Variants in PSPC1 observed in about 807,000 individuals in gnomAD.
PSPC1 encodes the protein paraspeckle component 1.
Under a neutral mutation model 51.6 loss-of-function variants are expected in PSPC1, and 14 were observed. That is an observed-to-expected ratio of 0.27 (90% CI 0.18 to 0.42). The LOEUF is 0.42. Ranked by LOEUF, PSPC1 falls within the 10% of genes least tolerant of loss-of-function variation. The pLI, the probability that PSPC1 is intolerant of heterozygous loss-of-function variation, is 1.00. For synonymous variants in PSPC1, 193 were observed against 231.9 expected (o/e 0.83, Z 1.53); for missense variants, 406 against 701.1 (o/e 0.58, Z 4.75).
rs141425633 is a variant in PSPC1 at position 19,716,949 on chromosome 13, G to C, written c.1159-7350C>G. On this transcript the variant is annotated intron_variant, in intron 6 of 8. Coordinates refer to ENST00000338910, the MANE Select transcript of PSPC1 (RefSeq NM_001354909.2). ...TCACTCCTGTAACCTCAGCACTTTGGGGGGCTGAGGCAGGCAGATCACCTG... is the reference window on the plus strand; with the variant it reads ...TCACTCCTGTAACCTCAGCACTTTGCGGGGCTGAGGCAGGCAGATCACCTG... Among the ~76,000 whole-genome samples the C allele has an allele frequency of 1.1e-3, 162 of 152,176 alleles. 1 individual carries two copies. In the East Asian group the frequency reaches 0.015, roughly 14 times the overall value.
At position 19,772,282 on chromosome 13, in the gene PSPC1, C is replaced by T; in HGVS notation, c.634G>A (p.Ala212Thr). Reference sequence around the variant, plus strand: ...GCCCCATCACCACATCTTTCCAGAGCCTTTCGTGCAGGAGGTTTTGCTGCA... The same window carrying T: ...GCCCCATCACCACATCTTTCCAGAGTCTTTCGTGCAGGAGGTTTTGCTGCA... ...EFAAKPPARK[A>T]LERCGDGAFL... The change falls in exon 2 of 9, where the codon GCT (alanine) becomes ACT (threonine). Residue 212 changes from alanine (A) to threonine (T), a missense_variant. By Grantham distance (58) the Ala-to-Thr change is moderately conservative. Transcript: ENST00000338910. 6.2e-7 allele frequency: 1 copy of T among 1,614,164 alleles called. No homozygotes were observed. Among genetic ancestry groups the T allele is most frequent in the Non-Finnish European group, 8.5e-7 (1 of 1,180,038 alleles).
chr13:19,767,909 G>C (rs765836077), intron 2 of PSPC1, among the ~76,000 whole-genome samples: 3 of 152,258 alleles, frequency 2.0e-5, no homozygotes, highest in Middle Eastern at 3.4e-3. Context: ...TCTGCTCTTT[G>C]AGGGTCACTG....
chr13:19,718,165 G>T lies in PSPC1; in HGVS notation c.1159-8566C>A, dbSNP rs181717449. ...TGAATGCTTGGAAAACTTAACATTTGAAATTCAGGCAATTAAAAACAACAA... is the reference window on the plus strand; with the variant it reads ...TGAATGCTTGGAAAACTTAACATTTTAAATTCAGGCAATTAAAAACAACAA... On this transcript the variant is annotated intron_variant, in intron 6 of 8. Transcript: ENST00000338910. 1.9e-3 allele frequency among the ~76,000 whole-genome samples: 295 copies of T among 152,250 alleles called. 1 individual carries two copies. Among genetic ancestry groups the T allele is most frequent in the African/African-American group, 5.1e-3 (212 of 41,534 alleles).
intron 5 of PSPC1, among the ~76,000 whole-genome samples, chr13:19,734,611 G>A (rs1210021263): frequency 6.6e-6 from 1 of 152,148 alleles, no homozygotes; most frequent in Non-Finnish European, 1.5e-5. Flanking sequence ...AGACGAGCCT[G>A]GCCAACATGG....
downstream of PSPC1, among the ~76,000 whole-genome samples, chr13:19,699,622 G>A (rs1000815032): frequency 2.0e-5 from 3 of 151,914 alleles, no homozygotes; most frequent in Non-Finnish European, 4.4e-5. Flanking sequence ...TCATCAGTAT[G>A]AAATTAACCT....
At chr13:19,768,468 A>T (rs1298484878) in intron 2 of PSPC1, among the ~76,000 whole-genome samples, 1 of 150,700 alleles carries the variant, frequency 6.6e-6, no homozygotes, top group Non-Finnish European at 1.5e-5. Context: ...TAACATGTGA[A>T]ACCCTGTCTC....
intron 4 of PSPC1, among the ~76,000 whole-genome samples, chr13:19,745,771 C>A (rs549159834): frequency 2.0e-4 from 30 of 151,960 alleles, no homozygotes; most frequent in African/African-American, 6.8e-4. Flanking sequence ...AGGCGCATGC[C>A]ACCAGGCCTG....
intron 6 of PSPC1, among the ~76,000 whole-genome samples, chr13:19,697,318 T>TGA (rs1379069064): frequency 1.3e-5 from 2 of 152,206 alleles, no homozygotes; most frequent in Non-Finnish European, 2.9e-5. Context: ...TGCTCAAGTG[T>TGA]GAGAACCACT....
Position 19,782,362 on chromosome 13 carries a change from C to T in PSPC1, c.372+24G>A. The T allele has an allele frequency of 6.4e-7, 1 of 1,558,592 alleles. No homozygotes were observed. The highest frequency in any genetic ancestry group is 8.7e-7 in the Non-Finnish European group (1 of 1,152,876). On this transcript the variant is annotated intron_variant, in intron 1 of 8. Transcript: ENST00000338910. This position sits in a 1 kb window ranked among gnomAD's most constrained non-coding sequence, Gnocchi z 4.5. ...GCCACCCCGACAGTCCTTTTGTTCC[C>T]TCGCGCGGGCGCCTGACACTCACCA...
chr13:19,711,290 C>A (rs982440200), intron 6 of PSPC1, among the ~76,000 whole-genome samples: 6 of 152,064 alleles, frequency 3.9e-5, no homozygotes, highest in African/African-American at 1.4e-4. Flanking sequence ...GAGGCTGAGG[C>A]AGGCAGATCA....
intron 7 of PSPC1, 84 bp from the exon 8 acceptor site, chr13:19,705,915 T>C (rs1266853376): frequency 1.8e-5 from 21 of 1,180,362 alleles, no homozygotes; most frequent in East Asian, 2.5e-5. Flanking sequence ...GCAATCTATA[T>C]ACCAAGACCA....
intron 6 of PSPC1, among the ~76,000 whole-genome samples, chr13:19,713,393 A>C (rs963687680): frequency 6.6e-6 from 1 of 152,040 alleles, no homozygotes; most frequent in Admixed American, 6.6e-5. Context: ...TGAGGCACAA[A>C]GCTGTTGAAT....
At position 19,686,974 on chromosome 13, in the gene PSPC1, A is replaced by G. The variant is rs145377524; in HGVS notation, c.1159-9151T>C. On this transcript the variant is annotated intron_variant and NMD_transcript_variant, in intron 6 of 7. Transcript: ENST00000471658. ...CACTTTGGGAGGCCAAGGTGGGCGG[A>G]TCATCTGAGGTCGGGAGTTCGAGAC... 8.1e-3 allele frequency among the ~76,000 whole-genome samples: 1,230 copies of G among 152,220 alleles called. 15 individuals carry two copies. The highest frequency in any genetic ancestry group is 0.028 in the African/African-American group (1,170 of 41,526).
chr13:19,744,813 T>C (rs1885792636), intron 4 of PSPC1, among the ~76,000 whole-genome samples: 1 of 152,164 alleles, frequency 6.6e-6, no homozygotes, highest in South Asian at 2.1e-4. Flanking sequence ...TCCACCCGCC[T>C]TGGCCTTCCA....
intron 2 of PSPC1, among the ~76,000 whole-genome samples, chr13:19,759,734 T>G (rs1452436025): frequency 6.6e-6 from 1 of 151,902 alleles, no homozygotes; most frequent in Admixed American, 6.6e-5. Context: ...TTGTGGTGTG[T>G]GCCTGTAATC....
At chr13:19,734,267 A>G (rs1329972262) in intron 5 of PSPC1, among the ~76,000 whole-genome samples, 1 of 152,240 alleles carries the variant, frequency 6.6e-6, no homozygotes, top group East Asian at 1.9e-4. Context: ...ACTAGTAATT[A>G]TGACAAATTT....
intron 6 of PSPC1, among the ~76,000 whole-genome samples, chr13:19,711,872 TAAAATTG>T (rs2137789832): frequency 6.6e-6 from 1 of 151,470 alleles, no homozygotes; most frequent in South Asian, 2.1e-4. Flanking sequence ...GACTGTAATA[TAAAATTG>T]CTACTCATCA....
At chr13:19,731,744 A>T (rs9578207) in intron 5 of PSPC1, among the ~76,000 whole-genome samples, 328 of 152,226 alleles carry the variant, frequency 2.2e-3, no homozygotes, top group African/African-American at 7.4e-3. Context: ...CATGATGTTT[A>T]AAAAAATGCT....
At chr13:19,707,989 C>T (rs746762572) in intron 7 of PSPC1, among the ~76,000 whole-genome samples, 2 of 152,136 alleles carry the variant, frequency 1.3e-5, no homozygotes, top group South Asian at 2.1e-4. Flanking sequence ...ATTTAGAACA[C>T]TCTTGGTTCA....
Sources: gnomAD v4.1 joint callset for allele counts (sites outside exome capture counted in the v4.1 genomes callset) on GRCh38, gnomAD v4.1.1 for gene constraint, Gnocchi (gnomAD v3.1) non-coding constraint, MANE v1.5 for transcripts, NCBI Gene and HGNC (gene_info 2026-07-23, HGNC 2026-07-21) for gene names.